Variants in DHX57 observed in about 807,000 individuals in gnomAD.
The protein encoded by DHX57 is putative ATP-dependent RNA helicase DHX57.
DHX57 carries 105 observed loss-of-function variants against 156.2 expected under a neutral mutation model. The observed-to-expected ratio is 0.67, with a 90% CI of 0.57 to 0.79. The LOEUF is 0.79. Ranked by LOEUF, DHX57 falls within the 30% of genes least tolerant of loss-of-function variation. The pLI is 0.00. For synonymous variants in DHX57, 704 were observed against 595.6 expected, an observed-to-expected ratio of 1.18 and a Z score of -2.65; for missense variants, 1,847 against 1,661.9, an observed-to-expected ratio of 1.11 and a Z score of -1.94.
chr2:38,826,108 G>A, intron 15 of DHX57, 61 bp from the exon 16 acceptor site: 1 of 1,517,506 alleles, frequency 6.6e-7, no homozygotes, highest in East Asian at 2.4e-5. Flanking sequence ...AAGACTGCTT[G>A]CTATGGACAG....
intron 14 of DHX57, 70 bp downstream of exon 14, chr2:38,828,269 TA>T: frequency 8.1e-7 from 1 of 1,233,448 alleles, no homozygotes; most frequent in Non-Finnish European, 1.2e-6. Context: ...TTCCAGGGTC[TA>T]AAGAGGGTGA....
At chr2:38,807,065 T>G (rs1370438911) in intron 21 of DHX57, among the ~76,000 whole-genome samples, 3 of 143,974 alleles carry the variant, frequency 2.1e-5, no homozygotes, top group Admixed American at 1.4e-4. Context: ...TTTTGTTTTG[T>G]TTTTTTTGAG....
intron 20 of DHX57, among the ~76,000 whole-genome samples, chr2:38,814,777 C>A (rs919640125): frequency 3.3e-5 from 5 of 151,874 alleles, no homozygotes; most frequent in African/African-American, 1.2e-4. Context: ...GGCTGGAGTG[C>A]AATGGCGCGA....
Position 38,823,039 on chromosome 2 carries a change from T to G in DHX57, c.3245A>C (p.Asp1082Ala). ...ACTGGCAGCAATGGTGAGAGCAGGA[T>G]CCAAACAGCGGAAGATAGACCCAAA... ...MLFGSIFRCLDPALTIAASLA... is the reference protein window; with the variant it reads ...MLFGSIFRCLAPALTIAASLA... The change falls in exon 17 of 24, where the codon GAT (aspartate) becomes GCT (alanine). Residue 1082 changes from aspartate (D) to alanine (A), a missense_variant. Transcript: ENST00000457308. 6.2e-7 allele frequency: 1 copy of G among 1,614,074 alleles called. No individual in the cohort carries two copies. Among genetic ancestry groups the G allele is most frequent in the Non-Finnish European group, 8.5e-7 (1 of 1,180,014 alleles).
At chr2:38,808,494 A>T (rs1375978151) in intron 21 of DHX57, among the ~76,000 whole-genome samples, 1 of 152,180 alleles carries the variant, frequency 6.6e-6, no homozygotes, top group Non-Finnish European at 1.5e-5. Context: ...TGATGGATAT[A>T]TAAGACCTTG....
At chr2:38,813,607 C>T (rs927440091) in intron 21 of DHX57, among the ~76,000 whole-genome samples, 75 of 151,964 alleles carry the variant, frequency 4.9e-4, no homozygotes, top group Non-Finnish European at 5.6e-4. Flanking sequence ...CTCCTGACCT[C>T]GTGATCCGCC....
intron 21 of DHX57, chr2:38,810,963 G>A: frequency 1.2e-6 from 1 of 837,152 alleles, no homozygotes; most frequent in Non-Finnish European, 2.0e-6. Flanking sequence ...TGCCATCCTT[G>A]ATGCTGGTCA....
chr2:38,861,942 G>C, intron 4 of DHX57, 105 bp from the exon 5 acceptor site: 7 of 1,300,080 alleles, frequency 5.4e-6, no homozygotes, highest in Non-Finnish European at 7.3e-6. Context: ...ACTACACATA[G>C]GCAGGGCTTG....
intron 21 of DHX57, chr2:38,810,700 C>G: frequency 1.4e-6 from 1 of 736,674 alleles, no homozygotes. Context: ...AGGGTTGTGC[C>G]AGAAACCGGT....
chr2:38,818,247 C>G (rs922670908), intron 19 of DHX57, among the ~76,000 whole-genome samples: 3 of 151,976 alleles, frequency 2.0e-5, no homozygotes, highest in African/African-American at 7.2e-5. Context: ...CCTGGTGTAG[C>G]CCGGTGTGGT....
At chr2:38,823,810 G>A (rs941692042) in intron 16 of DHX57, among the ~76,000 whole-genome samples, 1 of 152,020 alleles carries the variant, frequency 6.6e-6, no homozygotes, top group Non-Finnish European at 1.5e-5. Flanking sequence ...TCAGGAGTTC[G>A]AGACCAGCCT....
chr2:38,871,246 A>G (rs971842617), intron 1 of DHX57, among the ~76,000 whole-genome samples: 4 of 152,216 alleles, frequency 2.6e-5, no homozygotes, highest in African/African-American at 9.6e-5. Flanking sequence ...AATAATATGT[A>G]TATGATATAA....
At chr2:38,838,725 C>T (rs748717322) in intron 12 of DHX57, 2 of 451,344 alleles carry the variant, frequency 4.4e-6, no homozygotes, top group African/African-American at 4.0e-5. Context: ...AACAGTGACT[C>T]GCTGAACCTT....
intron 17 of DHX57, among the ~76,000 whole-genome samples, chr2:38,819,655 A>G (rs765361377): frequency 1.3e-5 from 2 of 152,194 alleles, no homozygotes; most frequent in Non-Finnish European, 2.9e-5. Flanking sequence ...TGCCCACCCA[A>G]AATAAGCTCT....
chr2:38,837,036 A>G (rs1252518934), intron 13 of DHX57, among the ~76,000 whole-genome samples: 1 of 151,942 alleles, frequency 6.6e-6, no homozygotes, highest in Non-Finnish European at 1.5e-5. Context: ...TTTTGTAGAG[A>G]TGGGGTTTCA....
At chr2:38,855,021 A>C in intron 8 of DHX57, 36 bp downstream of exon 8, 3 of 1,613,922 alleles carry the variant, frequency 1.9e-6, no homozygotes, top group Non-Finnish European at 2.5e-6. Flanking sequence ...AAAACCATAA[A>C]TTTCTGTTAC....
intron 5 of DHX57, among the ~76,000 whole-genome samples, chr2:38,859,442 C>T (rs1430489733): frequency 1.3e-5 from 2 of 152,016 alleles, no homozygotes; most frequent in African/African-American, 4.8e-5. Flanking sequence ...TTGATGATAA[C>T]GTCCAGGGAT....
chr2:38,861,966 C>G, intron 4 of DHX57, 129 bp from the exon 5 acceptor site: 1 of 1,235,972 alleles, frequency 8.1e-7, no homozygotes, highest in South Asian at 1.6e-5. Flanking sequence ...TTTGAAAAAG[C>G]ATCCCTGATA....
chr2:38,812,320 A>T (rs753212195), intron 21 of DHX57, among the ~76,000 whole-genome samples: 4 of 152,240 alleles, frequency 2.6e-5, no homozygotes, highest in Non-Finnish European at 5.9e-5. Flanking sequence ...CTAAGCAGAA[A>T]ATGAGCCATA....
Sources: allele counts gnomAD v4.1 joint callset (sites outside exome capture counted in the v4.1 genomes callset), GRCh38; gene constraint gnomAD v4.1.1; transcripts MANE v1.5; gene names NCBI Gene and HGNC (gene_info 2026-07-23, HGNC 2026-07-21).